AIG1: variants seen among roughly 807,000 people sequenced by gnomAD.
The protein encoded by AIG1 is androgen induced 1, also known as androgen-induced gene 1 protein.
In AIG1, 23 loss-of-function variants were observed where a neutral mutation model predicts 31.4. The observed-to-expected ratio is 0.73, with a 90% CI of 0.53 to 1.04. The LOEUF (loss-of-function observed/expected upper bound fraction) is 1.04. Among genes scored for constraint, AIG1 ranks in the 50% least tolerant of loss-of-function variants. AIG1 has a pLI of 0.00. For synonymous variants in AIG1, 100 were observed against 110.5 expected (o/e 0.90, Z 0.60); for missense variants, 274 against 295.0 (o/e 0.93, Z 0.52).
chr6:143,306,469 TTG>T (rs1562576848), intron 4 of AIG1, among the ~76,000 whole-genome samples: 4 of 152,190 alleles, frequency 2.6e-5, no homozygotes, highest in Non-Finnish European at 5.9e-5. Flanking sequence ...GGATTTTATT[TTG>T]CCTTCACTTA....
At chr6:143,096,302 G>C (rs1292094772) in intron 1 of AIG1, among the ~76,000 whole-genome samples, 1 of 152,160 alleles carries the variant, frequency 6.6e-6, no homozygotes, top group Non-Finnish European at 1.5e-5. Flanking sequence ...GAGTACTTAA[G>C]AATTATTTGT....
At chr6:143,106,382 G>A (rs973521873) in intron 1 of AIG1, among the ~76,000 whole-genome samples, 4 of 152,204 alleles carry the variant, frequency 2.6e-5, no homozygotes, top group African/African-American at 9.6e-5. Context: ...AATTTCTGTT[G>A]TTTAAATCAT....
At chr6:143,310,392 AC>A (rs764354467) in intron 4 of AIG1, among the ~76,000 whole-genome samples, 1 of 151,864 alleles carries the variant, frequency 6.6e-6, no homozygotes, top group Non-Finnish European at 1.5e-5. Flanking sequence ...CTAATAAATA[AC>A]CCATGGTTCA....
At chr6:143,152,741 C>T (rs1332295545) in intron 2 of AIG1, among the ~76,000 whole-genome samples, 1 of 152,152 alleles carries the variant, frequency 6.6e-6, no homozygotes, top group Non-Finnish European at 1.5e-5. Flanking sequence ...CAAAAGTTTC[C>T]TCCCTCCAGG....
At position 143,255,569 on chromosome 6, in the gene AIG1, A is replaced by G. The variant is rs1327783697; in HGVS notation, c.400-28541A>G. 3.3e-5 allele frequency among the ~76,000 whole-genome samples: 5 copies of G among 152,228 alleles called. No individual in the cohort carries two copies. In the South Asian group the frequency reaches 8.3e-4, roughly 25 times the overall value. On this transcript the variant is annotated intron_variant, in intron 3 of 5. Coordinates refer to ENST00000357847, the MANE Select transcript of AIG1 (RefSeq NM_016108.4). ...TTTTTTAAAGGTTCTAGCTCCAAATATAGTCACTGTGGGGGTTAATGCTTC... is the reference window on the plus strand; with the variant it reads ...TTTTTTAAAGGTTCTAGCTCCAAATGTAGTCACTGTGGGGGTTAATGCTTC...
intron 1 of AIG1, among the ~76,000 whole-genome samples, chr6:143,089,278 TA>T (rs940034659): frequency 6.6e-6 from 1 of 152,110 alleles, no homozygotes; most frequent in African/African-American, 2.4e-5. Flanking sequence ...ATATATAGCA[TA>T]TTATACATCT....
intron 1 of AIG1, among the ~76,000 whole-genome samples, chr6:143,131,218 T>G (rs1783206128): frequency 6.6e-6 from 1 of 152,226 alleles, no homozygotes; most frequent in Non-Finnish European, 1.5e-5. Context: ...TTTGTTCCAT[T>G]TATTCTTTCT....
intron 3 of AIG1, among the ~76,000 whole-genome samples, chr6:143,240,319 T>C (rs1794151129): frequency 6.6e-6 from 1 of 152,254 alleles, no homozygotes; most frequent in African/African-American, 2.4e-5. Flanking sequence ...GTACAAGTGC[T>C]GACTACTTGA....
At chr6:143,116,468 C>A (rs1386444955) in intron 1 of AIG1, among the ~76,000 whole-genome samples, 1 of 151,822 alleles carries the variant, frequency 6.6e-6, no homozygotes, top group Non-Finnish European at 1.5e-5. Context: ...ACAAAAATCC[C>A]TGCCCTCATG....
intron 1 of AIG1, among the ~76,000 whole-genome samples, chr6:143,075,427 C>G (rs1040151813): frequency 6.6e-6 from 1 of 152,118 alleles, no homozygotes; most frequent in Non-Finnish European, 1.5e-5. Context: ...CCTCAGCCCC[C>G]CAAGTAGCAG....
chr6:143,168,865 A>T (rs1490138340), intron 3 of AIG1, among the ~76,000 whole-genome samples: 2 of 152,130 alleles, frequency 1.3e-5, no homozygotes, highest in South Asian at 2.1e-4. Flanking sequence ...TTCAAATTGC[A>T]TAAATTTTGA....
rs1777035179 is a variant in AIG1, at chr6:143,331,105, A to G, written c.516-2177A>G. 6.6e-6 allele frequency among the ~76,000 whole-genome samples: 1 copy of G among 151,580 alleles called. No individual in the cohort carries two copies. Among genetic ancestry groups the G allele is most frequent in the Non-Finnish European group, 1.5e-5 (1 of 67,938 alleles). On this transcript the variant is annotated intron_variant, in intron 4 of 5. Coordinates refer to ENST00000357847, the MANE Select transcript of AIG1 (RefSeq NM_016108.4). The surrounding 1 kb of genome is among the most constrained non-coding windows in gnomAD (Gnocchi z 4.1). The stretch of plus-strand genomic sequence containing the variant: ...AAGATTGTTCCTCAATCTTTCTTTC[A>G]TTACTACTTCCCTCTACCAAGGAAC...
chr6:143,275,244 A>G (rs1397195672), intron 3 of AIG1, among the ~76,000 whole-genome samples: 2 of 152,164 alleles, frequency 1.3e-5, no homozygotes, highest in East Asian at 3.9e-4. Flanking sequence ...AAAGTCATGG[A>G]AAGTCCCTTC....
intron 3 of AIG1, among the ~76,000 whole-genome samples, chr6:143,274,091 A>ACCCTGG (rs1796726173): frequency 6.6e-6 from 1 of 152,076 alleles, no homozygotes; most frequent in South Asian, 2.1e-4. Context: ...TGTCCCTCAG[A>ACCCTGG]CCCTGGAATC....
intron 3 of AIG1, among the ~76,000 whole-genome samples, chr6:143,278,190 C>T (rs1455207818): frequency 6.6e-6 from 1 of 152,160 alleles, no homozygotes; most frequent in African/African-American, 2.4e-5. Context: ...TCCATCTTTC[C>T]AGTTTCCTGG....
At chr6:143,275,592 A>C (rs1583702227) in intron 3 of AIG1, among the ~76,000 whole-genome samples, 1 of 152,036 alleles carries the variant, frequency 6.6e-6, no homozygotes, top group African/African-American at 2.4e-5. Context: ...CTGTACCTTT[A>C]CTTTTTCTTC....
chr6:143,158,980 G>A (rs986432592), intron 2 of AIG1, among the ~76,000 whole-genome samples: 2 of 152,220 alleles, frequency 1.3e-5, no homozygotes, highest in African/African-American at 2.4e-5. Context: ...TCTCATAGAA[G>A]AGCCACAGAA....
chr6:143,320,851 C>G, intron 4 of AIG1, among the ~76,000 whole-genome samples: 1 of 136,912 alleles, frequency 7.3e-6, no homozygotes, highest in East Asian at 2.2e-4. Context: ...GAAGGAGTTT[C>G]GCTCTTGTTG....
intron 3 of AIG1, among the ~76,000 whole-genome samples, chr6:143,244,748 A>G (rs1255438388): frequency 6.6e-6 from 1 of 152,226 alleles, no homozygotes; most frequent in Non-Finnish European, 1.5e-5. Flanking sequence ...TTGGGATCTC[A>G]GTGTCTTATC....
Sources: gnomAD v4.1 joint callset for allele counts (sites outside exome capture counted in the v4.1 genomes callset) on GRCh38, gnomAD v4.1.1 for gene constraint, Gnocchi (gnomAD v3.1) non-coding constraint, MANE v1.5 for transcripts, NCBI Gene and HGNC (gene_info 2026-07-23, HGNC 2026-07-21) for gene names.